Variants in VOPP1 observed in about 807,000 individuals in gnomAD.
VOPP1 encodes the protein VOPP1 WW domain binding protein.
A neutral mutation model predicts 23.5 loss-of-function variants in VOPP1; 8 were observed. That is an observed-to-expected ratio of 0.34 (90% CI 0.20 to 0.61). The LOEUF is 0.61. Among genes scored for constraint, VOPP1 ranks in the 20% least tolerant of loss-of-function variants. The probability of loss-of-function intolerance (pLI) is 0.78; values close to 1 mark genes in which losing one functional copy is unlikely to be tolerated. For synonymous variants in VOPP1, 83 were observed against 97.3 expected, an observed-to-expected ratio of 0.85 and a Z score of 0.86; for missense variants, 174 against 238.1, an observed-to-expected ratio of 0.73 and a Z score of 1.77.
intron 4 of VOPP1, among the ~76,000 whole-genome samples, chr7:55,463,541 C>T (rs1373831885): frequency 3.9e-5 from 6 of 152,086 alleles, no homozygotes; most frequent in Non-Finnish European, 8.8e-5. Context: ...CAGCTATAAT[C>T]AGTGTCAGTG....
chr7:55,492,748 C>T (rs552514264), intron 3 of VOPP1: 179 of 205,314 alleles, frequency 8.7e-4, no homozygotes, highest in Non-Finnish European at 1.5e-3. Context: ...ACGGCTCTGA[C>T]CTCAGCTCGA....
rs1429100662 is a variant in VOPP1 at position 55,551,709 on chromosome 7, C to A, written c.54+20562G>T. Among the ~76,000 whole-genome samples the A allele has an allele frequency of 3.3e-5, 5 of 152,032 alleles. No homozygotes were observed. In the South Asian group the frequency reaches 1.0e-3, roughly 32 times the overall value. ...ATCTTACACGCAGTGGGAGGGAAAG[C>A]AGAAAAAATCTGAAGGAGGAAATTA... On this transcript the variant is annotated intron_variant, in intron 1 of 4. Transcript: ENST00000285279.
intron 2 of VOPP1, among the ~76,000 whole-genome samples, chr7:55,516,932 ATTTTTTTTTTTTTTTTTTTT>A (rs71031862): frequency 2.2e-5 from 1 of 45,156 alleles, no homozygotes; most frequent in Non-Finnish European, 3.4e-5. Context: ...ATATATATAT[ATTTTTTTTTTTTTTTTTTTT>A]TTTTTTTTTT....
intron 2 of VOPP1, among the ~76,000 whole-genome samples, chr7:55,517,690 C>G (rs1217313346): frequency 6.6e-6 from 1 of 152,132 alleles, no homozygotes; most frequent in East Asian, 1.9e-4. Flanking sequence ...AGCTGTGCCT[C>G]CTGCAGGTCA....
chr7:55,547,941 A>G (rs1048010755), intron 1 of VOPP1, among the ~76,000 whole-genome samples: 6 of 152,130 alleles, frequency 3.9e-5, no homozygotes, highest in Admixed American at 6.5e-5. Flanking sequence ...AACTTCTCTT[A>G]AAAGCACACC....
intron 1 of VOPP1, 47 bp from the exon 2 acceptor site, chr7:55,521,177 ATGT>A (rs1562952116): frequency 4.6e-6 from 7 of 1,532,566 alleles, no homozygotes; most frequent in Non-Finnish European, 5.3e-6. Flanking sequence ...AGGAATCTGC[ATGT>A]TGTTGAGAAG....
chr7:55,544,212 TC>T (rs1554299863), intron 1 of VOPP1, among the ~76,000 whole-genome samples: 2 of 152,218 alleles, frequency 1.3e-5, no homozygotes, highest in Non-Finnish European at 2.9e-5. Flanking sequence ...TTGTCAAAAA[TC>T]AACTGGCTGT....
chr7:55,434,974 A>G (rs984027395), downstream of VOPP1, among the ~76,000 whole-genome samples: 5 of 152,212 alleles, frequency 3.3e-5, no homozygotes, highest in Admixed American at 3.3e-4. Context: ...CAGTTTTCAC[A>G]TCTGTTGCTT....
At chr7:55,496,632 A>G (rs1212111810) in intron 3 of VOPP1, among the ~76,000 whole-genome samples, 1 of 152,182 alleles carries the variant, frequency 6.6e-6, no homozygotes, top group African/African-American at 2.4e-5. Context: ...ATCACTATTA[A>G]AGAACATCCT....
At chr7:55,559,095 TCCCTCATCATCA>T in intron 1 of VOPP1, among the ~76,000 whole-genome samples, 1 of 152,098 alleles carries the variant, frequency 6.6e-6, no homozygotes, top group South Asian at 2.1e-4. Flanking sequence ...TTTAGTCTGC[TCCCTCATCATCA>T]GAGGGAGCCT....
intron 4 of VOPP1, among the ~76,000 whole-genome samples, chr7:55,446,858 T>G (rs1263869420): frequency 1.3e-5 from 2 of 152,246 alleles, no homozygotes; most frequent in African/African-American, 2.4e-5. Context: ...TGAACAGGAA[T>G]TTATTCTTTC....
At position 55,572,254 on chromosome 7, in the gene VOPP1, CG is replaced by C. The variant is rs1798391768; in HGVS notation, c.54+16del. On this transcript the variant is annotated intron_variant, in intron 1 of 4. Transcript: ENST00000285279. ...TGGGCGCCGCGCCTCCGGCAGCACC[CG>C]GTCCCCGGCCCCTACCTCCAAGAGC... 6.6e-7 allele frequency: 1 copy of C among 1,518,268 alleles called. No individual in the cohort carries two copies. Among genetic ancestry groups the C allele is most frequent in the Non-Finnish European group, 8.8e-7 (1 of 1,142,376 alleles). 94.0% of individuals were successfully genotyped at this position (1,518,268 alleles called of 1,614,324 possible). A position where few individuals can be genotyped will look rare whatever the true frequency, so the allele number is the denominator to read the frequency against.
intron 1 of VOPP1, among the ~76,000 whole-genome samples, chr7:55,541,649 G>A (rs1797138059): frequency 6.6e-6 from 1 of 152,166 alleles, no homozygotes; most frequent in African/African-American, 2.4e-5. Context: ...ACAAAGACCT[G>A]TACACAAATG....
chr7:55,505,105 C>T (rs535630327), intron 2 of VOPP1, among the ~76,000 whole-genome samples: 1 of 152,310 alleles, frequency 6.6e-6, no homozygotes, highest in Admixed American at 6.5e-5. Flanking sequence ...ATTCACTATT[C>T]CTTCCAGTTT....
At chr7:55,453,872 G>A (rs536014790) in intron 4 of VOPP1, among the ~76,000 whole-genome samples, 1 of 152,276 alleles carries the variant, frequency 6.6e-6, no homozygotes, top group African/African-American at 2.4e-5. Context: ...ACAATAAAGT[G>A]TGCCTGTAAT....
chr7:55,518,974 G>GAGAAAC (rs1052298163), intron 2 of VOPP1, among the ~76,000 whole-genome samples: 6 of 152,200 alleles, frequency 3.9e-5, no homozygotes, highest in African/African-American at 1.4e-4. Flanking sequence ...GAACAGAGGG[G>GAGAAAC]AGAAACAGAA....
intron 4 of VOPP1, 91 bp from the exon 5 acceptor site, chr7:55,473,136 C>A: frequency 6.6e-7 from 1 of 1,511,046 alleles, no homozygotes; most frequent in South Asian, 1.3e-5. Context: ...AGACCACGCC[C>A]CGTCATTCAC....
chr7:55,556,910 T>C (rs762651526), intron 1 of VOPP1, among the ~76,000 whole-genome samples: 11 of 152,082 alleles, frequency 7.2e-5, no homozygotes, highest in Admixed American at 5.9e-4. Context: ...TAAGAAAATG[T>C]TAAATATCCC....
At chr7:55,473,740 A>G (rs1434249587) in intron 4 of VOPP1, among the ~76,000 whole-genome samples, 45 of 152,146 alleles carry the variant, frequency 3.0e-4, no homozygotes, top group Admixed American at 2.9e-3. Flanking sequence ...ACACTATAGA[A>G]TTATGCATAT....
Sources: allele counts gnomAD v4.1 joint callset (sites outside exome capture counted in the v4.1 genomes callset), GRCh38; gene constraint gnomAD v4.1.1; transcripts MANE v1.5; gene names NCBI Gene and HGNC (gene_info 2026-07-23, HGNC 2026-07-21).